The following EMCN variants were observed in gnomAD, a reference collection of about 807,000 sequenced individuals.
EMCN encodes endomucin.
Under a neutral mutation model 38.4 loss-of-function variants are expected in EMCN, and 37 were observed. That is an observed-to-expected ratio of 0.96 (90% CI 0.74 to 1.27). EMCN has a LOEUF of 1.27. Ranked by LOEUF, EMCN falls within the 50% of genes most tolerant of loss-of-function variation. EMCN has a pLI of 0.00. For synonymous variants in EMCN, 95 were observed against 100.8 expected (o/e 0.94, Z 0.35); for missense variants, 318 against 302.8 (o/e 1.05, Z -0.37).
intron 1 of EMCN, among the ~76,000 whole-genome samples, chr4:100,503,777 A>G (rs1729409013): frequency 6.6e-6 from 1 of 152,166 alleles, no homozygotes; most frequent in Non-Finnish European, 1.5e-5. Flanking sequence ...CATATTATCC[A>G]GGCTGGGAAA....
chr4:100,419,112 G>A (rs1449994897), intron 8 of EMCN, among the ~76,000 whole-genome samples: 1 of 151,922 alleles, frequency 6.6e-6, no homozygotes, highest in African/African-American at 2.4e-5. Context: ...TATAGCGATA[G>A]TCTCATTAGC....
intron 11 of EMCN, among the ~76,000 whole-genome samples, chr4:100,401,943 A>G (rs1467279583): frequency 2.0e-5 from 3 of 152,272 alleles, no homozygotes; most frequent in African/African-American, 7.2e-5. Context: ...TTAAATGGCT[A>G]TCTGTTCAAT....
intron 1 of EMCN, among the ~76,000 whole-genome samples, chr4:100,503,317 T>C (rs1560644042): frequency 6.6e-6 from 1 of 152,138 alleles, no homozygotes; most frequent in East Asian, 1.9e-4. Context: ...TTACTTTACA[T>C]AAATTTTTGG....
chr4:100,413,844 C>A (rs1161098157), intron 10 of EMCN, among the ~76,000 whole-genome samples: 1 of 152,150 alleles, frequency 6.6e-6, no homozygotes, highest in South Asian at 2.1e-4. Flanking sequence ...AGACCTGTGA[C>A]CTGACAAGTT....
At chr4:100,444,456 G>T (rs939835535) in intron 5 of EMCN, among the ~76,000 whole-genome samples, 1 of 152,144 alleles carries the variant, frequency 6.6e-6, no homozygotes. Flanking sequence ...ATCCTGGATG[G>T]TGGTGGTGGG....
At chr4:100,420,791 A>G (rs915534053) in intron 8 of EMCN, among the ~76,000 whole-genome samples, 2 of 152,036 alleles carry the variant, frequency 1.3e-5, no homozygotes, top group Non-Finnish European at 2.9e-5. Context: ...TAAAATAGAA[A>G]GTTTATTTTT....
chr4:100,436,019 T>A (rs529667546), intron 5 of EMCN, among the ~76,000 whole-genome samples: 1 of 151,966 alleles, frequency 6.6e-6, no homozygotes, highest in African/African-American at 2.4e-5. Context: ...AAAGCAAAAA[T>A]TGACAATTGG....
At chr4:100,443,148 C>T (rs1270947267) in intron 5 of EMCN, among the ~76,000 whole-genome samples, 1 of 152,220 alleles carries the variant, frequency 6.6e-6, no homozygotes, top group Non-Finnish European at 1.5e-5. Flanking sequence ...CCACACCCAG[C>T]CCAGCTCATT....
chr4:100,480,902 A>G (rs1728787984), intron 1 of EMCN, among the ~76,000 whole-genome samples: 1 of 152,100 alleles, frequency 6.6e-6, no homozygotes, highest in Non-Finnish European at 1.5e-5. Flanking sequence ...GAAGTATGTA[A>G]GATTTAACTC....
chr4:100,507,365 A>G (rs1374331096), intron 1 of EMCN, among the ~76,000 whole-genome samples: 1 of 152,182 alleles, frequency 6.6e-6, no homozygotes, highest in Admixed American at 6.5e-5. Flanking sequence ...AAACTAGTAC[A>G]AGCAAAAAAT....
intron 1 of EMCN, among the ~76,000 whole-genome samples, chr4:100,500,019 T>C (rs932774498): frequency 7.2e-5 from 11 of 152,150 alleles, no homozygotes; most frequent in African/African-American, 1.4e-4. Flanking sequence ...TTTTTGTTCA[T>C]AGGGGATTTG....
At chr4:100,461,731 C>G (rs1216644841) in intron 4 of EMCN, among the ~76,000 whole-genome samples, 2 of 152,158 alleles carry the variant, frequency 1.3e-5, no homozygotes, top group African/African-American at 2.4e-5. Context: ...AATAAAGCAA[C>G]AAATCTCACT....
intron 3 of EMCN, among the ~76,000 whole-genome samples, chr4:100,473,365 G>GGTTTTTTTT (rs1728533364): frequency 2.7e-4 from 8 of 29,876 alleles, no homozygotes; most frequent in African/African-American, 5.6e-4. Flanking sequence ...CCCGTTTCGT[G>GGTTTTTTTT]TTTTTTTGTT....
chr4:100,428,709 A>G (rs1434986604), intron 5 of EMCN, among the ~76,000 whole-genome samples: 5 of 152,178 alleles, frequency 3.3e-5, no homozygotes, highest in African/African-American at 9.6e-5. Flanking sequence ...TAATCTTAAC[A>G]TCGGGATTGG....
intron 1 of EMCN, among the ~76,000 whole-genome samples, chr4:100,482,248 G>A (rs1296623227): frequency 6.6e-6 from 1 of 151,980 alleles, no homozygotes; most frequent in Admixed American, 6.6e-5. Flanking sequence ...ATATGAGAGT[G>A]GTATTGCAAA....
chr4:100,485,085 A>T (rs1728906905), intron 1 of EMCN, among the ~76,000 whole-genome samples: 1 of 152,174 alleles, frequency 6.6e-6, no homozygotes, highest in Admixed American at 6.6e-5. Context: ...ATTACGGTAC[A>T]TGCAAAATGC....
At chr4:100,475,207 C>T (rs1453351616) in intron 2 of EMCN, 98 bp from the exon 3 acceptor site, 1 of 513,222 alleles carries the variant, frequency 1.9e-6, no homozygotes, top group Non-Finnish European at 3.3e-6. Flanking sequence ...CTGGCATTCT[C>T]CTTTGTCTAT....
chr4:100,423,243 A>G, intron 6 of EMCN, 69 bp downstream of exon 6: 1 of 1,394,126 alleles, frequency 7.2e-7, no homozygotes, highest in South Asian at 1.2e-5. Context: ...GTGAGTCAAG[A>G]TTGTTAGGGT....
At chr4:100,492,395 A>G (rs1374957484) in intron 1 of EMCN, among the ~76,000 whole-genome samples, 1 of 152,124 alleles carries the variant, frequency 6.6e-6, no homozygotes, top group Admixed American at 6.6e-5. Context: ...GCCTGTAGCA[A>G]TTGTGGGATA....
Sources: allele counts gnomAD v4.1 joint callset (sites outside exome capture counted in the v4.1 genomes callset), GRCh38; gene constraint gnomAD v4.1.1; transcripts MANE v1.5; gene names NCBI Gene and HGNC (gene_info 2026-07-23, HGNC 2026-07-21).